Variants in CUBN observed in about 807,000 individuals in gnomAD.
The protein encoded by CUBN is 460 kDa receptor.
Under a neutral mutation model 405.3 loss-of-function variants are expected in CUBN, and 282 were observed. The observed-to-expected ratio is 0.70, with a 90% confidence interval of 0.63 to 0.77. CUBN has a LOEUF of 0.77. Ranked by LOEUF, CUBN falls within the 30% of genes least tolerant of loss-of-function variation. CUBN has a pLI of 0.00. For missense variants in CUBN, 4,514 were observed against 4,475.2 expected (o/e 1.01, Z -0.25); for synonymous variants, 1,684 against 1,617.0 (o/e 1.04, Z -0.99).
chr10:16,833,305 C>A (rs148051718), intron 64 of CUBN, among the ~76,000 whole-genome samples: 3 of 152,180 alleles, frequency 2.0e-5, no homozygotes, highest in African/African-American at 2.4e-5. Flanking sequence ...ACCTGACCGG[C>A]ACAAAGAATA....
intron 39 of CUBN, among the ~76,000 whole-genome samples, chr10:16,936,183 A>C (rs1182457581): frequency 6.6e-6 from 1 of 152,154 alleles, no homozygotes; most frequent in African/African-American, 2.4e-5. Context: ...ATTAGAAGAA[A>C]ATTTGTTGGT....
intron 8 of CUBN, 45 bp downstream of exon 8, chr10:17,113,982 G>C: frequency 1.3e-6 from 2 of 1,596,270 alleles, no homozygotes. Context: ...CTGGCACCTC[G>C]CCAACCTGGC....
intron 29 of CUBN, among the ~76,000 whole-genome samples, chr10:16,988,278 G>T (rs987457981): frequency 3.3e-5 from 5 of 152,222 alleles, no homozygotes; most frequent in Non-Finnish European, 7.3e-5. Context: ...AAGTGATAAG[G>T]GGTCTTATGC....
At position 17,068,670 on chromosome 10, in the gene CUBN, G is replaced by A. The variant is rs774486522; in HGVS notation, c.2726C>T (p.Thr909Ile). The A allele has an allele frequency of 1.9e-6, 3 of 1,612,884 alleles. No individual in the cohort carries two copies. In the Admixed American group the frequency reaches 5.0e-5, roughly 27 times the overall value. The change falls in exon 20 of 67, where the codon ACA (threonine) becomes ATA (isoleucine). Residue 909 changes from threonine (T) to isoleucine (I), a missense_variant. By Grantham distance (89) the Thr-to-Ile change is moderately conservative (BLOSUM62 -1). Coordinates refer to ENST00000377833, the MANE Select transcript of CUBN (RefSeq NM_001081.4). ...TTCAGTAGAAGAACTTTTCACGAAT[G>A]TGACATAAAGAAAATTGTACACAGA... Reference protein sequence around the residue: ...ITSVYNFLYVTFVKSSSTENH... With the variant: ...ITSVYNFLYVIFVKSSSTENH...
At chr10:17,006,962 C>G (rs186008567) in intron 28 of CUBN, among the ~76,000 whole-genome samples, 4 of 152,298 alleles carry the variant, frequency 2.6e-5, no homozygotes, top group Admixed American at 1.3e-4. Flanking sequence ...CTTAGCCCTG[C>G]TCCTGCAAGC....
At chr10:16,901,918 T>TATATATATATATAC (rs1236540013) in intron 51 of CUBN, among the ~76,000 whole-genome samples, 4 of 109,906 alleles carry the variant, frequency 3.6e-5, no homozygotes, top group Non-Finnish European at 5.2e-5. Context: ...TATATATATA[T>TATATATATATATAC]ACACACACAC....
intron 17 of CUBN, among the ~76,000 whole-genome samples, chr10:17,083,516 A>C (rs4285781): frequency 1.4e-5 from 2 of 142,724 alleles, no homozygotes; most frequent in Non-Finnish European, 3.0e-5. Flanking sequence ...AAAATAAATA[A>C]ATACATACAT....
chr10:16,956,105 CT>C (rs1398239920), intron 31 of CUBN, among the ~76,000 whole-genome samples: 3 of 152,266 alleles, frequency 2.0e-5, no homozygotes, highest in African/African-American at 7.2e-5. Flanking sequence ...AATCAGTGTT[CT>C]GTTTAGCACA....
chr10:17,107,466 G>A (rs1836660616), intron 10 of CUBN, among the ~76,000 whole-genome samples: 1 of 150,470 alleles, frequency 6.6e-6, no homozygotes, highest in Admixed American at 6.6e-5. Context: ...CAGATTTACA[G>A]TAGAATTGAA....
intron 17 of CUBN, among the ~76,000 whole-genome samples, chr10:17,077,470 T>C (rs1331705923): frequency 1.3e-5 from 2 of 152,224 alleles, no homozygotes; most frequent in African/African-American, 2.4e-5. Context: ...CATGTCTTAA[T>C]ACGCACGCTC....
intron 7 of CUBN, among the ~76,000 whole-genome samples, chr10:17,114,944 T>C (rs1395603209): frequency 6.6e-6 from 1 of 152,140 alleles, no homozygotes; most frequent in Non-Finnish European, 1.5e-5. Context: ...GACGGGATAA[T>C]AAAAATGGTC....
chr10:16,869,411 C>T (rs560790413), intron 59 of CUBN, among the ~76,000 whole-genome samples: 12 of 152,006 alleles, frequency 7.9e-5, no homozygotes, highest in African/African-American at 2.7e-4. Flanking sequence ...GTGATCCACC[C>T]GCCTCAACCT....
In CUBN at chr10:16,982,546, T is replaced by G. The variant is rs1391948790; in HGVS notation, c.4633A>C (p.Asn1545His). 1 of 1,613,894 alleles carries G rather than the reference T, an allele frequency of 6.2e-7. No homozygotes were observed. The highest frequency in any genetic ancestry group is 8.5e-7 in the Non-Finnish European group (1 of 1,179,826). The change falls in exon 31 of 67, where the codon AAT (asparagine) becomes CAT (histidine). Residue 1545 changes from asparagine to histidine, a missense_variant. Transcript: ENST00000377833. Reference protein sequence around the residue: ...DCSWVIRVDRNHRVLLNFTDF... With the variant: ...DCSWVIRVDRHHRVLLNFTDF... ...GTGAAGTTCAAGAGAACACGATGAT[T>G]TCTGTCAACCCGAATGACCCAAGAA...
chr10:17,043,819 A>T lies in CUBN; in HGVS notation c.3829+8T>A, dbSNP rs1328940471. ...ATACACACTTACTCTGCCGGTATTCACACTTACTCTGCCGGTATTCAGCCT... is the reference window on the plus strand; with the variant it reads ...ATACACACTTACTCTGCCGGTATTCTCACTTACTCTGCCGGTATTCAGCCT... On this transcript the variant is annotated splice_region_variant and intron_variant, in intron 26 of 66. Transcript: ENST00000377833. 4 of 1,612,662 alleles carry T rather than the reference A, an allele frequency of 2.5e-6. No individual in the cohort carries two copies. In the Admixed American group the frequency reaches 6.7e-5, roughly 27 times the overall value.
At chr10:17,007,327 GACCC>G (rs1834054392) in intron 28 of CUBN, among the ~76,000 whole-genome samples, 1 of 152,072 alleles carries the variant, frequency 6.6e-6, no homozygotes, top group East Asian at 1.9e-4. Context: ...CCTCTTTGAG[GACCC>G]GCATAAAAGG....
intron 65 of CUBN, 57 bp from the exon 66 acceptor site, chr10:16,829,097 G>T: frequency 7.8e-7 from 1 of 1,281,002 alleles, no homozygotes; most frequent in Non-Finnish European, 1.1e-6. Flanking sequence ...CGTCCAGTCT[G>T]GCTTGTTAGG....
At chr10:16,901,208 A>G in intron 52 of CUBN, 130 bp downstream of exon 52, 1 of 1,283,458 alleles carries the variant, frequency 7.8e-7, no homozygotes, top group Non-Finnish European at 1.1e-6. Context: ...TTAGGGAAAA[A>G]CAGTGATCTC....
Position 17,019,978 on chromosome 10 carries a change from A to G in CUBN, c.4023T>C (p.Tyr1341=), listed in dbSNP as rs374551155. 5.6e-6 allele frequency: 9 copies of G among 1,614,014 alleles called. No homozygotes were observed. The African/African-American group carries it at 6.7e-5, about 12-fold the overall frequency. Residue 1341 remains tyrosine (Y), a synonymous_variant, in exon 28 of 67, where the codon TAT becomes TAC. Transcript: ENST00000377833. ...INCSTDYLEL[Y]DGPRQMGRYC... The stretch of plus-strand genomic sequence containing the variant: ...AGCGTCCCATCTGCCGTGGTCCATC[A>G]TAGAGCTGAAATTGAAGAGAAACTT...
At chr10:16,897,273 A>C (rs1841212429) in intron 54 of CUBN, among the ~76,000 whole-genome samples, 2 of 151,760 alleles carry the variant, frequency 1.3e-5, no homozygotes, top group African/African-American at 4.8e-5. Flanking sequence ...GGTCCTATTC[A>C]AATCTTTTAT....
Sources: gnomAD v4.1 joint callset for allele counts (sites outside exome capture counted in the v4.1 genomes callset) on GRCh38, gnomAD v4.1.1 for gene constraint, MANE v1.5 for transcripts, NCBI Gene and HGNC (gene_info 2026-07-23, HGNC 2026-07-21) for gene names.